Variants in KLF12 observed in about 807,000 individuals in gnomAD.
KLF12 encodes the protein Krueppel-like factor 12.
A neutral mutation model predicts 37.8 loss-of-function variants in KLF12; 9 were observed. The observed-to-expected ratio is 0.24, with a 90% CI of 0.14 to 0.42. KLF12 has a LOEUF of 0.42. KLF12 is among the 10% of genes least tolerant of loss of function. The probability of loss-of-function intolerance (pLI) is 1.00; values close to 1 mark genes in which losing one functional copy is unlikely to be tolerated. For synonymous variants in KLF12, 208 were observed against 202.1 expected (o/e 1.03, Z -0.25); for missense variants, 411 against 516.0 (o/e 0.80, Z 1.97).
chr13:73,775,356 A>T (rs1880547904), intron 5 of KLF12, among the ~76,000 whole-genome samples: 2 of 152,208 alleles, frequency 1.3e-5, no homozygotes, highest in Admixed American at 1.3e-4. Flanking sequence ...AAAAGAGATG[A>T]AGGCATTTTC....
chr13:74,051,955 T>C (rs1343857500), intron 1 of KLF12, among the ~76,000 whole-genome samples: 1 of 152,130 alleles, frequency 6.6e-6, no homozygotes, highest in Non-Finnish European at 1.5e-5. Context: ...ATTTGATCAT[T>C]ACACATTGTA....
intron 6 of KLF12, among the ~76,000 whole-genome samples, chr13:73,729,041 G>C (rs1401569002): frequency 6.6e-6 from 1 of 152,118 alleles, no homozygotes; most frequent in African/African-American, 2.4e-5. Context: ...CCTCAGTTCT[G>C]CTTTTAGTCC....
chr13:73,986,019 T>C (rs1389020671), intron 2 of KLF12, among the ~76,000 whole-genome samples: 3 of 152,092 alleles, frequency 2.0e-5, no homozygotes, highest in Non-Finnish European at 2.9e-5. Flanking sequence ...AGTGTATGGG[T>C]TGTAAGTAAG....
At chr13:73,805,656 GGAAGGAAGGAAGGAAGGAAGGA>G (rs1882553412) in intron 5 of KLF12, among the ~76,000 whole-genome samples, 1 of 35,106 alleles carries the variant, frequency 2.8e-5, no homozygotes, top group Non-Finnish European at 5.2e-5. Context: ...GAGGGAGGAA[GGAAGGAAGGAAGGAAGGAAGGA>G]AGGAAGGAAG....
chr13:74,249,006 T>C, the KLF12 span, among the ~76,000 whole-genome samples: 1 of 151,918 alleles, frequency 6.6e-6, no homozygotes. Context: ...AGGAGTGAAT[T>C]GGAAAGATGG....
At chr13:73,977,960 A>G (rs192214968) in intron 2 of KLF12, among the ~76,000 whole-genome samples, 2 of 152,342 alleles carry the variant, frequency 1.3e-5, no homozygotes, top group Admixed American at 6.5e-5. Context: ...ACCCTTTTAT[A>G]CAAATTAACT....
chr13:74,024,800 T>C (rs1006431745), intron 1 of KLF12, among the ~76,000 whole-genome samples: 10 of 152,190 alleles, frequency 6.6e-5, no homozygotes, highest in African/African-American at 2.4e-4. Context: ...CATAGGAAAT[T>C]AGGAGAAACT....
chr13:73,752,724 A>C (rs1288071572), intron 6 of KLF12, among the ~76,000 whole-genome samples: 1 of 20,202 alleles, frequency 4.9e-5, no homozygotes, highest in Admixed American at 6.3e-4. Flanking sequence ...TCCCTTCCAC[A>C]TATATATTTT....
the KLF12 span, among the ~76,000 whole-genome samples, chr13:74,158,381 A>G: frequency 6.6e-6 from 1 of 152,208 alleles, no homozygotes; most frequent in Non-Finnish European, 1.5e-5. Context: ...GGGAAGCCAG[A>G]GTGACCTGCC....
At chr13:74,177,838 C>A in the KLF12 span, among the ~76,000 whole-genome samples, 1 of 152,278 alleles carries the variant, frequency 6.6e-6, no homozygotes, top group African/African-American at 2.4e-5. Context: ...CTAGGTAATT[C>A]ATTTTGGTCT....
intron 3 of KLF12, among the ~76,000 whole-genome samples, chr13:73,868,484 G>A (rs370189073): frequency 6.6e-5 from 10 of 151,942 alleles, no homozygotes; most frequent in South Asian, 6.3e-4. Flanking sequence ...TCCGCCTCCC[G>A]GGTTCAAGTG....
chr13:73,985,269 T>C (rs575703360), intron 2 of KLF12, among the ~76,000 whole-genome samples: 2 of 152,308 alleles, frequency 1.3e-5, no homozygotes, highest in South Asian at 4.2e-4. Flanking sequence ...ACATACTGCT[T>C]TTGCTTTAAG....
intron 1 of KLF12, among the ~76,000 whole-genome samples, chr13:74,072,406 T>TATATATATATATATAAAA (rs1487459834): frequency 8.4e-6 from 1 of 119,726 alleles, no homozygotes; most frequent in African/African-American, 3.1e-5. Context: ...TATATATATA[T>TATATATATATATATAAAA]AAAAGATTAT....
At chr13:73,848,215 A>G (rs943268491) in intron 3 of KLF12, among the ~76,000 whole-genome samples, 3 of 152,166 alleles carry the variant, frequency 2.0e-5, no homozygotes, top group African/African-American at 4.8e-5. Flanking sequence ...AGATTCCTAC[A>G]TACATTTACA....
chr13:73,807,371 T>C (rs1218460328), intron 5 of KLF12, among the ~76,000 whole-genome samples: 1 of 151,708 alleles, frequency 6.6e-6, no homozygotes, highest in Non-Finnish European at 1.5e-5. Context: ...AGCAATAGGG[T>C]ATCTAACTTG....
the KLF12 span, among the ~76,000 whole-genome samples, chr13:74,168,363 C>G: frequency 6.6e-6 from 1 of 152,238 alleles, no homozygotes; most frequent in Non-Finnish European, 1.5e-5. Context: ...TTATCTCCCT[C>G]TCCATATTAC....
At chr13:73,944,748 T>A (rs1890342252) in intron 2 of KLF12, among the ~76,000 whole-genome samples, 1 of 136,528 alleles carries the variant, frequency 7.3e-6, no homozygotes, top group Non-Finnish European at 1.6e-5. Flanking sequence ...TTATCTATAT[T>A]GTAGCTCAAT....
chr13:73,813,992 CCT>C (rs762976591), intron 4 of KLF12, among the ~76,000 whole-genome samples: 1 of 152,178 alleles, frequency 6.6e-6, no homozygotes, highest in Non-Finnish European at 1.5e-5. Flanking sequence ...TGTTCTGACC[CCT>C]GTTGACCAAG....
At chr13:73,778,042 G>A (rs1259311972) in intron 5 of KLF12, among the ~76,000 whole-genome samples, 9 of 151,742 alleles carry the variant, frequency 5.9e-5, no homozygotes, top group African/African-American at 2.2e-4. Context: ...GCTGAGGCAG[G>A]AGAATCGCTT....
Sources: allele counts gnomAD v4.1 joint callset (sites outside exome capture counted in the v4.1 genomes callset), GRCh38; gene constraint gnomAD v4.1.1; transcripts MANE v1.5; gene names NCBI Gene and HGNC (gene_info 2026-07-23, HGNC 2026-07-21).